The following MARCHF6 variants were observed in gnomAD, a reference collection of about 807,000 sequenced individuals.
MARCHF6 encodes E3 ubiquitin-protein ligase MARCHF6.
MARCHF6 carries 31 observed loss-of-function variants against 133.7 expected under a neutral mutation model. The observed-to-expected ratio is 0.23, with a 90% CI of 0.17 to 0.31. MARCHF6 has a LOEUF of 0.31. Ranked by LOEUF, MARCHF6 falls within the 10% of genes least tolerant of loss-of-function variation. MARCHF6 has a pLI of 1.00. For missense variants in MARCHF6, 723 were observed against 1,121.6 expected (o/e 0.64, Z 5.08); for synonymous variants, 395 against 402.5 (o/e 0.98, Z 0.22).
intron 25 of MARCHF6, among the ~76,000 whole-genome samples, chr5:10,431,371 A>G (rs1222482965): frequency 1.3e-5 from 2 of 152,166 alleles, no homozygotes; most frequent in Non-Finnish European, 1.5e-5. Flanking sequence ...TTTATGCTGG[A>G]TGCCTGCCTT....
chr5:10,370,089 G>T, intron 1 of MARCHF6, among the ~76,000 whole-genome samples: 1 of 105,768 alleles, frequency 9.5e-6, no homozygotes, highest in Non-Finnish European at 1.9e-5. Context: ...GTATCTTACT[G>T]TGATTTTTTT....
intron 15 of MARCHF6, 138 bp from the exon 16 acceptor site, chr5:10,405,420 A>G (rs1300970595): frequency 4.8e-6 from 3 of 621,676 alleles, no homozygotes; most frequent in Non-Finnish European, 7.7e-6. Flanking sequence ...CTTTCCTAAG[A>G]ATACCATGTA....
In MARCHF6 at chr5:10,438,574, A is replaced by C. The variant is rs1389813626; in HGVS notation, c.*4890A>C. 2.0e-5 allele frequency: 3 copies of C among 152,206 alleles called. No homozygotes were observed. Among genetic ancestry groups the C allele is most frequent in the Non-Finnish European group, 4.4e-5 (3 of 68,030 alleles). 9.4% of individuals were successfully genotyped at this position (152,206 alleles called of 1,614,324 possible). On this transcript the variant is annotated 3_prime_UTR_variant, in exon 26 of 26. Transcript: ENST00000274140. ...CAAACATGTAGTGATAAGGAGAACT[A>C]ACGTATCAAGGGGCTGAGAGGGTAA...
At chr5:10,420,669 C>G (rs1307483563) in intron 22 of MARCHF6, among the ~76,000 whole-genome samples, 1 of 152,200 alleles carries the variant, frequency 6.6e-6, no homozygotes, top group African/African-American at 2.4e-5. Flanking sequence ...CACTGTCACT[C>G]TGTGATCAAG....
chr5:10,390,544 G>A (rs775180765), intron 6 of MARCHF6, 44 bp downstream of exon 6: 17 of 1,543,572 alleles, frequency 1.1e-5, no homozygotes, highest in Non-Finnish European at 1.5e-5. Flanking sequence ...GGTAGGTCAT[G>A]AGAATTATTG....
At chr5:10,406,718 A>G (rs994755324) in intron 16 of MARCHF6, among the ~76,000 whole-genome samples, 6 of 152,210 alleles carry the variant, frequency 3.9e-5, no homozygotes. Flanking sequence ...AAGTAACATT[A>G]TGTCCTTTGA....
Position 10,353,916 on chromosome 5 carries a change from A to T in MARCHF6, c.18A>T (p.Glu6Asp). Residue 6 changes from glutamate to aspartate, a missense_variant and splice_region_variant, in exon 1 of 26, where the codon GAA becomes GAT. Transcript: ENST00000274140. The part of the protein sequence containing the change: MDTAE[E>D]DICRVCRSEG... ...CAGACAAGATGGACACCGCGGAGGA[A>T]GGTAAGTCGGCGACGCGCGGCGCCC... The T allele has an allele frequency of 6.4e-7, 1 of 1,559,388 alleles. No homozygotes were observed. The highest frequency in any genetic ancestry group is 8.6e-7 in the Non-Finnish European group (1 of 1,157,230).
chr5:10,360,148 T>TG (rs1220660458), intron 1 of MARCHF6, among the ~76,000 whole-genome samples: 4 of 143,864 alleles, frequency 2.8e-5, no homozygotes, highest in Non-Finnish European at 4.6e-5. Flanking sequence ...GTGTGTGTTT[T>TG]TTTTTTTTTT....
chr5:10,429,343 G>C (rs1412218371), intron 24 of MARCHF6, among the ~76,000 whole-genome samples: 4 of 150,684 alleles, frequency 2.7e-5, no homozygotes, highest in African/African-American at 4.9e-5. Flanking sequence ...CAGTAGAAAT[G>C]TATCAATGAC....
At chr5:10,363,555 T>C (rs1364395443) in intron 1 of MARCHF6, among the ~76,000 whole-genome samples, 1 of 152,214 alleles carries the variant, frequency 6.6e-6, no homozygotes, top group African/African-American at 2.4e-5. Context: ...TGTAAGATAG[T>C]GTGACTGATT....
chr5:10,390,552 T>G, intron 6 of MARCHF6, 52 bp downstream of exon 6: 1 of 1,520,904 alleles, frequency 6.6e-7, no homozygotes, highest in Non-Finnish European at 9.0e-7. Flanking sequence ...ATGAGAATTA[T>G]TGTTTCTCTC....
chr5:10,387,590 A>T (rs1459553746), intron 5 of MARCHF6, among the ~76,000 whole-genome samples: 1 of 152,122 alleles, frequency 6.6e-6, no homozygotes, highest in Non-Finnish European at 1.5e-5. Context: ...GGCGTGAGCC[A>T]CCGCGCCCGT....
intron 12 of MARCHF6, 104 bp from the exon 13 acceptor site, chr5:10,402,280 G>A (rs752917044): frequency 1.3e-5 from 16 of 1,211,910 alleles, no homozygotes; most frequent in Non-Finnish European, 1.8e-5. Flanking sequence ...TGGACAAAAT[G>A]TGAAATAAAT....
At position 10,439,167 on chromosome 5, in the gene MARCHF6, A is replaced by C. The variant is rs1170148202; in HGVS notation, c.*5483A>C. On this transcript the variant is annotated 3_prime_UTR_variant, in exon 26 of 26. Transcript: ENST00000274140. ...CTAATGGAACAGAATAGAGTCCAGA[A>C]ATAACCCAACATGTATGTGGACAAC... 6.6e-6 allele frequency: 1 copy of C among 152,216 alleles called. No homozygotes were observed. Among genetic ancestry groups the C allele is most frequent in the Non-Finnish European group, 1.5e-5 (1 of 68,048 alleles). The allele number at this position is 152,216 out of a possible 1,614,324, so 9.4% of individuals were successfully genotyped here.
At chr5:10,365,639 C>T (rs528169538) in intron 1 of MARCHF6, among the ~76,000 whole-genome samples, 9 of 152,224 alleles carry the variant, frequency 5.9e-5, no homozygotes, top group African/African-American at 1.9e-4. Context: ...ATTCCCAAAC[C>T]CACATAGTTT....
chr5:10,409,739 G>T (rs1246373188), intron 17 of MARCHF6, among the ~76,000 whole-genome samples: 2 of 152,172 alleles, frequency 1.3e-5, no homozygotes, highest in African/African-American at 4.8e-5. Flanking sequence ...AATGATCCTG[G>T]TGAGAGGTGA....
chr5:10,414,561 T>G (rs971924662), intron 20 of MARCHF6, 59 bp downstream of exon 20: 1 of 1,366,056 alleles, frequency 7.3e-7, no homozygotes, highest in East Asian at 2.3e-5. Flanking sequence ...ATTTAGCTAT[T>G]TGACAGAGTC....
rs530837493 is a variant in MARCHF6 at position 10,378,704 on chromosome 5, CTG to C, written c.117-53_117-52del. The C allele has an allele frequency of 2.7e-3, 2,976 of 1,090,528 alleles. 9 individuals carry two copies. Among genetic ancestry groups the C allele is most frequent in the Non-Finnish European group, 3.7e-3 (2,672 of 727,142 alleles). The allele number at this position is 1,090,528 out of a possible 1,614,324, so 67.6% of individuals were successfully genotyped here. ...AATAAAAACAATGTTTTCGACAAAACTGTAATGTTTCTTTGCTGTAAACACTG... is the reference window on the plus strand; with the variant it reads ...AATAAAAACAATGTTTTCGACAAAACTAATGTTTCTTTGCTGTAAACACTG... On this transcript the variant is annotated intron_variant, in intron 2 of 25. Transcript: ENST00000274140.
In MARCHF6 at chr5:10,435,326, C is replaced by G. The variant is rs1579630689; in HGVS notation, c.*1642C>G. On this transcript the variant is annotated 3_prime_UTR_variant, in exon 26 of 26. Coordinates refer to ENST00000274140, the MANE Select transcript of MARCHF6 (RefSeq NM_005885.4). Reference sequence around the variant, plus strand: ...GCTGCGGTGGCTCCGGCCGGTTGTCCTGGCACACAAGGAGGCGAGGCTATG... The same window carrying G: ...GCTGCGGTGGCTCCGGCCGGTTGTCGTGGCACACAAGGAGGCGAGGCTATG... 1 of 151,468 alleles carries G rather than the reference C, an allele frequency of 6.6e-6. No individual in the cohort carries two copies. Among genetic ancestry groups the G allele is most frequent in the Non-Finnish European group, 1.5e-5 (1 of 67,836 alleles). The allele number at this position is 151,468 out of a possible 1,614,324, so 9.4% of individuals were successfully genotyped here. A position where few individuals can be genotyped will look rare whatever the true frequency, so the allele number is the denominator to read the frequency against.
Sources: allele counts gnomAD v4.1 joint callset (sites outside exome capture counted in the v4.1 genomes callset), GRCh38; gene constraint gnomAD v4.1.1; transcripts MANE v1.5; gene names NCBI Gene and HGNC (gene_info 2026-07-23, HGNC 2026-07-21).